The following DNAH17 variants were observed in gnomAD, a reference collection of about 807,000 sequenced individuals.
DNAH17 encodes axonemal beta dynein heavy chain 17.
Under a neutral mutation model 485.6 loss-of-function variants are expected in DNAH17, and 376 were observed. The observed-to-expected ratio is 0.77, with a 90% confidence interval of 0.71 to 0.84. The LOEUF (loss-of-function observed/expected upper bound fraction) is 0.84, where lower values mean the gene tolerates loss of function less well. DNAH17 is among the 40% of genes least tolerant of loss of function. DNAH17 has a pLI of 0.00. For synonymous variants in DNAH17, 3,031 were observed against 2,405.9 expected (o/e 1.26, Z -7.60); for missense variants, 6,370 against 5,839.3 (o/e 1.09, Z -2.96).
At chr17:78,542,042 GC>G (rs1174233464) in intron 17 of DNAH17, among the ~76,000 whole-genome samples, 57 of 151,842 alleles carry the variant, frequency 3.8e-4, no homozygotes, top group African/African-American at 1.3e-3. Context: ...CCCGGGTGTG[GC>G]CTGCTGGTCT....
At chr17:78,490,969 G>A (rs2089827748) in intron 43 of DNAH17, 122 bp from the exon 44 acceptor site, 5 of 1,225,946 alleles carry the variant, frequency 4.1e-6, no homozygotes, top group South Asian at 1.6e-5. Flanking sequence ...GGCCAGCCCT[G>A]CCACCCCTGG....
At chr17:78,571,486 G>A (rs948255050) in intron 4 of DNAH17, 104 bp downstream of exon 4, 3 of 1,497,000 alleles carry the variant, frequency 2.0e-6, no homozygotes, top group Middle Eastern at 3.5e-4. Flanking sequence ...CAGGTCATCA[G>A]AGCCCTCAGG....
chr17:78,517,334 G>A lies in DNAH17; in HGVS notation c.3865-2312C>T, dbSNP rs188830733. On this transcript the variant is annotated intron_variant, in intron 25 of 80. Transcript: ENST00000389840. ...GCTGGGATTACAGGCGTGAGCCACC[G>A]CACCAGGCCGGATTTGAAAAAAGTT... Among the ~76,000 whole-genome samples, 785 of 152,272 alleles carry A rather than the reference G, an allele frequency of 5.2e-3. 5 individuals are homozygous for A. Among genetic ancestry groups the A allele is most frequent in the African/African-American group, 0.018 (746 of 41,552 alleles).
chr17:78,469,776 C>G (rs118066708), intron 54 of DNAH17, among the ~76,000 whole-genome samples: 1 of 152,178 alleles, frequency 6.6e-6, no homozygotes, highest in Non-Finnish European at 1.5e-5. Context: ...TGCTATAGCA[C>G]GGACAGACCT....
Position 78,484,993 on chromosome 17 carries a change from G to A in DNAH17, c.7524C>T (p.Asn2508=), listed in dbSNP as rs1420908331. ...GCTTCTTAGTGCCTGGCGGCCCGTAGTTCCTCCCCGATTTCTTCTCCAGCG... is the reference window on the plus strand; with the variant it reads ...GCTTCTTAGTGCCTGGCGGCCCGTAATTCCTCCCCGATTTCTTCTCCAGCG... ...EKPLEKKSGR[N]YGPPGTKKLV... Residue 2508 remains asparagine, a synonymous_variant, in exon 48 of 81, where the codon AAC becomes AAT. Transcript: ENST00000389840. 1.9e-6 allele frequency: 3 copies of A among 1,613,268 alleles called. No individual in the cohort carries two copies. Among genetic ancestry groups the A allele is most frequent in the South Asian group, 2.2e-5 (2 of 90,962 alleles).
chr17:78,545,198 T>C (rs2091726127), intron 16 of DNAH17, among the ~76,000 whole-genome samples: 1 of 152,238 alleles, frequency 6.6e-6, no homozygotes. Context: ...TACTTATAGT[T>C]TTTCTACTGA....
intron 18 of DNAH17, among the ~76,000 whole-genome samples, 176 bp from the exon 19 acceptor site, chr17:78,537,657 C>T (rs1240857294): frequency 1.3e-5 from 2 of 152,126 alleles, no homozygotes; most frequent in Non-Finnish European, 2.9e-5. Flanking sequence ...GCTACAGAGC[C>T]AAATGTACAG....
chr17:78,550,489 C>G (rs976559118), intron 16 of DNAH17, among the ~76,000 whole-genome samples: 7 of 152,248 alleles, frequency 4.6e-5, no homozygotes, highest in Non-Finnish European at 8.8e-5. Flanking sequence ...AATATGAGGT[C>G]ATTAGTGTGG....
intron 31 of DNAH17, 60 bp from the exon 32 acceptor site, chr17:78,503,071 A>G: frequency 1.3e-6 from 2 of 1,527,218 alleles, no homozygotes; most frequent in Non-Finnish European, 1.8e-6. Context: ...AGTTCCAATA[A>G]TTTTGTTTGT....
At chr17:78,573,553 C>G (rs2092389818) in intron 2 of DNAH17, among the ~76,000 whole-genome samples, 1 of 149,304 alleles carries the variant, frequency 6.7e-6, no homozygotes. Flanking sequence ...GAGCTGAGAT[C>G]ACACCATTGC....
At chr17:78,549,814 C>A (rs1247678206) in intron 16 of DNAH17, among the ~76,000 whole-genome samples, 1 of 152,180 alleles carries the variant, frequency 6.6e-6, no homozygotes, top group Non-Finnish European at 1.5e-5. Context: ...TCCCCACCGC[C>A]CAGAGCCTGC....
intron 66 of DNAH17, 72 bp from the exon 67 acceptor site, chr17:78,450,918 G>A (rs1358464115): frequency 1.9e-6 from 3 of 1,572,236 alleles, no homozygotes; most frequent in Admixed American, 3.4e-5. Context: ...TCCCTCAGGT[G>A]GCCATGTAGC....
At chr17:78,502,108 C>G (rs974799738) in intron 33 of DNAH17, 5 of 549,060 alleles carry the variant, frequency 9.1e-6, no homozygotes, top group South Asian at 4.6e-5. Context: ...TTCAAGGCCA[C>G]GAGAGAGGGT....
At chr17:78,536,725 G>A (rs1046153007) in intron 19 of DNAH17, among the ~76,000 whole-genome samples, 1 of 151,896 alleles carries the variant, frequency 6.6e-6, no homozygotes, top group African/African-American at 2.4e-5. Flanking sequence ...GTTGGGAAAG[G>A]TTACCCTCTT....
At position 78,486,308 on chromosome 17, in the gene DNAH17, G is replaced by A. The variant is rs375515973; in HGVS notation, c.7017C>T (p.Pro2339=). The A allele has an allele frequency of 1.7e-5, 27 of 1,613,232 alleles. No individual in the cohort carries two copies. In the African/African-American group the frequency reaches 2.5e-4, roughly 15 times the overall value. ...CGTACAGCTCCCTGGGGGAGTCGGG[G>A]GGCACGGTCTTCTCCGTGAGCAGGC... ...LECLLTEKTV[P]PDSPRELYEL... Residue 2339 remains proline, a synonymous_variant, in exon 45 of 81, where the codon CCC becomes CCT. Coordinates refer to ENST00000389840, the MANE Select transcript of DNAH17 (RefSeq NM_173628.4).
In DNAH17 at chr17:78,494,074, C is replaced by T. The variant is rs776042763; in HGVS notation, c.6370G>A (p.Val2124Met). Reference protein sequence around the residue: ...LEELLQVRHSVFIVGNAGSGK... With the variant: ...LEELLQVRHSMFIVGNAGSGK... ...CTGCCCGCATTCCCGACGATGAACA[C>T]GGAGTGGCGGACCTGCAGCAGCTCC... The change falls in exon 41 of 81, where the codon GTG (valine) becomes ATG (methionine). Residue 2124 changes from valine (V) to methionine (M), a missense_variant. Transcript: ENST00000389840. The T allele has an allele frequency of 1.6e-5, 25 of 1,612,812 alleles. No individual in the cohort carries two copies. The highest frequency in any genetic ancestry group is 2.2e-5 in the East Asian group (1 of 44,866).
At chr17:78,435,958 C>G (rs1314488733) in intron 74 of DNAH17, among the ~76,000 whole-genome samples, 1 of 150,168 alleles carries the variant, frequency 6.7e-6, no homozygotes, top group African/African-American at 2.5e-5. Context: ...TCTGCTTTTT[C>G]TTTTACTTTC....
chr17:78,454,456 G>A lies in DNAH17; in HGVS notation c.10406+14C>T. On this transcript the variant is annotated intron_variant, in intron 64 of 80. Coordinates refer to ENST00000389840, the MANE Select transcript of DNAH17 (RefSeq NM_173628.4). ...AGAGCCGGGCTTCGGCCCAGGTCCT[G>A]CGCCCGCACACACCTCTTCTGTCCC... The A allele has an allele frequency of 6.2e-7, 1 of 1,601,106 alleles. No homozygotes were observed. Among genetic ancestry groups the A allele is most frequent in the South Asian group, 1.1e-5 (1 of 89,218 alleles).
rs577391397 is a variant in DNAH17, at chr17:78,482,436, T to A, written c.7650-1650A>T. Reference sequence around the variant, plus strand: ...ATTAATCCACTGTCAATTTTATACATTGCAAATGTTTTCTTCCATTCTTTT... The same window carrying A: ...ATTAATCCACTGTCAATTTTATACAATGCAAATGTTTTCTTCCATTCTTTT... On this transcript the variant is annotated intron_variant, in intron 48 of 80. Transcript: ENST00000389840. Among the ~76,000 whole-genome samples the A allele has an allele frequency of 2.5e-3, 382 of 152,350 alleles. 1 individual carries two copies. Among genetic ancestry groups the A allele is most frequent in the Admixed American group, 5.8e-3 (88 of 15,296 alleles).
Sources: allele counts gnomAD v4.1 joint callset (sites outside exome capture counted in the v4.1 genomes callset), GRCh38; gene constraint gnomAD v4.1.1; transcripts MANE v1.5; gene names NCBI Gene and HGNC (gene_info 2026-07-23, HGNC 2026-07-21).